Variants in VPS13C observed in about 807,000 individuals in gnomAD.
VPS13C encodes intermembrane lipid transfer protein VPS13C.
VPS13C carries 358 observed loss-of-function variants against 456.8 expected under a neutral mutation model. The observed-to-expected ratio is 0.78, with a 90% CI of 0.72 to 0.86. The LOEUF is 0.86. Among genes scored for constraint, VPS13C ranks in the 40% least tolerant of loss-of-function variants. The pLI, the probability that VPS13C is intolerant of heterozygous loss-of-function variation, is 0.00. For synonymous variants in VPS13C, 1,578 were observed against 1,486.7 expected, an observed-to-expected ratio of 1.06 and a Z score of -1.41; for missense variants, 4,818 against 4,385.4, an observed-to-expected ratio of 1.10 and a Z score of -2.79.
chr15:61,954,867 G>A (rs1470656546), intron 37 of VPS13C, among the ~76,000 whole-genome samples: 1 of 152,124 alleles, frequency 6.6e-6, no homozygotes, highest in Admixed American at 6.6e-5. Context: ...ATTAGAGGAG[G>A]TATTATTCAA....
At position 61,929,752 on chromosome 15, in the gene VPS13C, A is replaced by G. The variant is rs773952242; in HGVS notation, c.6039-4T>C. The G allele has an allele frequency of 3.7e-6, 6 of 1,603,200 alleles. No homozygotes were observed. Among genetic ancestry groups the G allele is most frequent in the South Asian group, 3.3e-5 (3 of 89,864 alleles). On this transcript the variant is annotated splice_region_variant and splice_polypyrimidine_tract_variant and intron_variant, in intron 50 of 84. Coordinates refer to ENST00000644861, the MANE Select transcript of VPS13C (RefSeq NM_020821.3). Reference sequence around the variant, plus strand: ...GTCATTCTTTCTGTCAATCATTCTGAAAAAAAACATGCTATTCATTATTTT... The same window carrying G: ...GTCATTCTTTCTGTCAATCATTCTGGAAAAAAACATGCTATTCATTATTTT...
intron 81 of VPS13C, 91 bp from the exon 82 acceptor site, chr15:61,863,619 T>A: frequency 1.3e-6 from 1 of 747,872 alleles, no homozygotes; most frequent in Non-Finnish European, 2.1e-6. Flanking sequence ...ATAATAGTGT[T>A]AGGAAAAAAT....
chr15:62,059,048 GA>G (rs1444184951), intron 1 of VPS13C, among the ~76,000 whole-genome samples: 1 of 151,318 alleles, frequency 6.6e-6, no homozygotes, highest in Admixed American at 6.6e-5. Flanking sequence ...AGTTTAAAAA[GA>G]AAAAAAGTAA....
intron 70 of VPS13C, 54 bp downstream of exon 70, chr15:61,881,693 C>T: frequency 1.3e-6 from 2 of 1,597,826 alleles, no homozygotes; most frequent in South Asian, 2.3e-5. Flanking sequence ...AAACTAATGC[C>T]TATTTAACTT....
At chr15:61,987,583 G>A (rs944705830) in intron 18 of VPS13C, among the ~76,000 whole-genome samples, 1 of 152,098 alleles carries the variant, frequency 6.6e-6, no homozygotes, top group African/African-American at 2.4e-5. Flanking sequence ...TGGTGGTGAG[G>A]GGCGGATTAT....
intron 12 of VPS13C, among the ~76,000 whole-genome samples, chr15:62,011,783 C>T (rs35123892): frequency 0.38 from 58,304 of 151,578 alleles, 12,724 homozygotes; most frequent in Admixed American, 0.51. Flanking sequence ...GATTTAGTTA[C>T]TTTTTGAAAA....
At chr15:61,986,493 A>G (rs746247050) in intron 18 of VPS13C, among the ~76,000 whole-genome samples, 6 of 152,178 alleles carry the variant, frequency 3.9e-5, no homozygotes, top group Non-Finnish European at 8.8e-5. Context: ...AGAAAATAAG[A>G]CACACATGAG....
At chr15:61,939,791 T>A (rs1596357967) in intron 47 of VPS13C, among the ~76,000 whole-genome samples, 2 of 152,206 alleles carry the variant, frequency 1.3e-5, no homozygotes, top group East Asian at 3.9e-4. Flanking sequence ...GGTCAGGAGT[T>A]TGAGGCCAGC....
At position 62,033,514 on chromosome 15, in the gene VPS13C, T is replaced by C. The variant is rs2140649862; in HGVS notation, c.312A>G (p.Glu104=). 2.5e-6 allele frequency: 4 copies of C among 1,606,270 alleles called. No individual in the cohort carries two copies. Among genetic ancestry groups the C allele is most frequent in the Non-Finnish European group, 3.4e-6 (4 of 1,175,706 alleles). The change falls in exon 5 of 85, where the codon GAA becomes GAG. Residue 104 remains glutamate, a synonymous_variant. Coordinates refer to ENST00000644861, the MANE Select transcript of VPS13C (RefSeq NM_020821.3). ...TCTGTTTAACATCCTGCAAGGATTT[T>C]TCTTCTTTTACAGCATCATACTTAA... ...ASIKYDAVKE[E]KSLQDVKQKE...
chr15:61,901,380 C>G (rs1392116134), intron 66 of VPS13C, among the ~76,000 whole-genome samples: 2 of 151,952 alleles, frequency 1.3e-5, no homozygotes, highest in African/African-American at 4.8e-5. Flanking sequence ...GGGCTAATAT[C>G]CAGAATCTAC....
At chr15:61,885,599 T>G (rs1896205042) in intron 67 of VPS13C, among the ~76,000 whole-genome samples, 2 of 152,162 alleles carry the variant, frequency 1.3e-5, no homozygotes, top group African/African-American at 4.8e-5. Context: ...TGAAGTTAAC[T>G]ATTTGACACT....
At chr15:61,944,409 TA>T (rs2044536083) in intron 45 of VPS13C, among the ~76,000 whole-genome samples, 1 of 151,996 alleles carries the variant, frequency 6.6e-6, no homozygotes, top group Non-Finnish European at 1.5e-5. Context: ...GTGGACTAGA[TA>T]AAGGAAACGT....
chr15:61,970,289 C>T (rs978184568), intron 27 of VPS13C, among the ~76,000 whole-genome samples: 5 of 152,170 alleles, frequency 3.3e-5, no homozygotes, highest in Non-Finnish European at 5.9e-5. Flanking sequence ...CATCAGAATG[C>T]AACCGAATGA....
chr15:62,010,736 A>C, intron 12 of VPS13C, 137 bp from the exon 13 acceptor site: 1 of 951,120 alleles, frequency 1.1e-6, no homozygotes, highest in South Asian at 2.6e-5. Context: ...CACTACCAAA[A>C]AATATTTAAG....
At chr15:61,978,243 T>C (rs915258350) in intron 23 of VPS13C, among the ~76,000 whole-genome samples, 4 of 152,022 alleles carry the variant, frequency 2.6e-5, no homozygotes, top group Admixed American at 6.6e-5. Flanking sequence ...GCTAATATAG[T>C]ATAATATTTG....
intron 9 of VPS13C, among the ~76,000 whole-genome samples, 195 bp downstream of exon 9, chr15:62,020,284 A>G (rs2047415073): frequency 6.6e-6 from 1 of 151,976 alleles, no homozygotes; most frequent in Non-Finnish European, 1.5e-5. Flanking sequence ...TGTTACACAG[A>G]AAGACAAAAA....
intron 81 of VPS13C, chr15:61,866,387 A>G: frequency 1.0e-6 from 1 of 983,650 alleles, no homozygotes; most frequent in Non-Finnish European, 1.2e-6. Flanking sequence ...AGAGTTATAA[A>G]AAGATATCAC....
rs780173791 is a variant in VPS13C, at chr15:61,925,566, A to G, written c.6517-18T>C. 6.5e-7 allele frequency: 1 copy of G among 1,529,662 alleles called. No homozygotes were observed. Among genetic ancestry groups the G allele is most frequent in the South Asian group, 1.2e-5 (1 of 80,908 alleles). The allele number at this position is 1,529,662 out of a possible 1,614,324, so 94.8% of individuals were successfully genotyped here. ...TGCAAGACCTATAAACAGATAAATG[A>G]AATTCACATTTCCATAGATCCATTA... On this transcript the variant is annotated intron_variant, in intron 52 of 84. Coordinates refer to ENST00000644861, the MANE Select transcript of VPS13C (RefSeq NM_020821.3).
Position 61,880,625 on chromosome 15 carries a change from T to A in VPS13C, c.9986A>T (p.His3329Leu). 1 of 1,575,896 alleles carries A rather than the reference T, an allele frequency of 6.3e-7. No individual in the cohort carries two copies. The highest frequency in any genetic ancestry group is 8.6e-7 in the Non-Finnish European group (1 of 1,162,722). ...ACAACAAACCTTCACAGGAGAAATA[T>A]GGAAATGTTCAAAGAAACTAAGAAT... ...MSILSFFEHFHISPVKLHLSL... is the reference protein window; with the variant it reads ...MSILSFFEHFLISPVKLHLSL... The change falls in exon 73 of 85, where the codon CAT becomes CTT. Residue 3329 changes from histidine (H) to leucine (L), a missense_variant. By Grantham distance (99) the His-to-Leu change is moderately conservative. Around this residue, in one of 3 missense-constraint regions of VPS13C, gnomAD observed 4,552 missense variants for 4,130.6 expected, o/e 1.10. Coordinates refer to ENST00000644861, the MANE Select transcript of VPS13C (RefSeq NM_020821.3).
Sources: gnomAD v4.1 joint callset for allele counts (sites outside exome capture counted in the v4.1 genomes callset) on GRCh38, gnomAD v4.1.1 for gene constraint, gnomAD v4.1.1 regional missense constraint, MANE v1.5 for transcripts, NCBI Gene and HGNC (gene_info 2026-07-23, HGNC 2026-07-21) for gene names.